The following NUDT5 variants were observed in gnomAD, a reference collection of about 807,000 sequenced individuals.
NUDT5 encodes the protein nudix hydrolase 5.
Under a neutral mutation model 34.1 loss-of-function variants are expected in NUDT5, and 21 were observed. That is an observed-to-expected ratio of 0.62 (90% CI 0.44 to 0.89). The LOEUF (loss-of-function observed/expected upper bound fraction) is 0.89. Among genes scored for constraint, NUDT5 ranks in the 40% least tolerant of loss-of-function variants. The pLI is 0.00. For missense variants in NUDT5, 249 were observed against 274.8 expected (o/e 0.91, Z 0.66); for synonymous variants, 85 against 97.6 (o/e 0.87, Z 0.76).
intron 4 of NUDT5, 123 bp from the exon 5 acceptor site, chr10:12,178,023 G>A: frequency 3.3e-6 from 2 of 598,848 alleles, no homozygotes; most frequent in Non-Finnish European, 5.9e-6. Flanking sequence ...CTACAATACT[G>A]GCAGTTAATA....
At chr10:12,178,935 A>C in intron 4 of NUDT5, 148 bp downstream of exon 4, 1 of 676,426 alleles carries the variant, frequency 1.5e-6, no homozygotes, top group South Asian at 1.8e-5. Flanking sequence ...AAGAAAGCTT[A>C]ATTTCGTTAC....
intron 9 of NUDT5, 89 bp from the exon 10 acceptor site, chr10:12,167,900 C>G: frequency 6.4e-7 from 1 of 1,559,054 alleles, no homozygotes; most frequent in African/African-American, 1.4e-5. Flanking sequence ...GCAGGTACTA[C>G]TATATGTCAC....
chr10:12,166,399 G>T lies in NUDT5; in HGVS notation c.*1303C>A, dbSNP rs1696880127. 1 of 159,724 alleles carries T rather than the reference G, an allele frequency of 6.3e-6. No homozygotes were observed. The highest frequency in any genetic ancestry group is 6.2e-5 in the Admixed American group (1 of 16,164). The allele number at this position is 159,724 out of a possible 1,614,324, so 9.9% of individuals were successfully genotyped here. A position where few individuals can be genotyped will look rare whatever the true frequency, so the allele number is the denominator to read the frequency against. ...AGGCTACCATTACAGGAAGTAGTTG[G>T]ATCTTAATTTTCACATGTATAGGGC... On this transcript the variant is annotated 3_prime_UTR_variant, in exon 10 of 10. Coordinates refer to ENST00000491614, the MANE Select transcript of NUDT5 (RefSeq NM_014142.4).
chr10:12,180,764 G>T (rs1158214344), intron 3 of NUDT5, among the ~76,000 whole-genome samples: 14 of 152,194 alleles, frequency 9.2e-5, no homozygotes, highest in Non-Finnish European at 1.5e-5. Flanking sequence ...AAGCAGGAAT[G>T]AGTATGTTTT....
rs564131693 is a variant in NUDT5 at position 12,182,893 on chromosome 10, C to T, written c.131+1996G>A. On this transcript the variant is annotated intron_variant, in intron 3 of 9. Coordinates refer to ENST00000491614, the MANE Select transcript of NUDT5 (RefSeq NM_014142.4). The surrounding 1 kb of genome is among the most constrained non-coding windows in gnomAD (Gnocchi z 4.3). ...CTGGGATTACAGGCGCATGCCACCA[C>T]GCTGGGCTAATTTTTGTATTTTTAG... 1.1e-4 allele frequency among the ~76,000 whole-genome samples: 17 copies of T among 152,226 alleles called. No homozygotes were observed. Among genetic ancestry groups the T allele is most frequent in the East Asian group, 7.7e-4 (4 of 5,174 alleles).
intron 1 of NUDT5, among the ~76,000 whole-genome samples, chr10:12,193,754 T>C (rs1434543640): frequency 1.3e-5 from 2 of 152,218 alleles, no homozygotes; most frequent in African/African-American, 4.8e-5. Flanking sequence ...AAAAGGTATC[T>C]ATAAAAATTC....
chr10:12,183,294 G>C (rs1313674227), intron 3 of NUDT5, among the ~76,000 whole-genome samples: 2 of 152,204 alleles, frequency 1.3e-5, no homozygotes, highest in African/African-American at 4.8e-5. Flanking sequence ...CTTAAGTGAA[G>C]AGTTACAGTC....
intron 5 of NUDT5, among the ~76,000 whole-genome samples, chr10:12,177,417 G>A (rs1388580316): frequency 6.6e-6 from 1 of 151,888 alleles, no homozygotes; most frequent in African/African-American, 2.4e-5. Context: ...CACTCGGGAG[G>A]CTGAAGCAGG....
intron 4 of NUDT5, 133 bp from the exon 5 acceptor site, chr10:12,178,033 AT>A: frequency 1.7e-6 from 1 of 585,300 alleles, no homozygotes. Flanking sequence ...GGCAGTTAAT[AT>A]TGGAAGCTAT....
chr10:12,178,185 G>A (rs1438487048), intron 4 of NUDT5, among the ~76,000 whole-genome samples: 1 of 152,136 alleles, frequency 6.6e-6, no homozygotes, highest in Admixed American at 6.5e-5. Flanking sequence ...AGGATGTAAG[G>A]TTTCTGACTA....
rs186618494 is a variant in NUDT5, at chr10:12,185,251, A to G, written c.64-295T>C. ...GGGGGAAGGGGTGGGGCATGGAGGT[A>G]ACTGGAAGGGAGCACATGGGGTGAG... On this transcript the variant is annotated intron_variant, in intron 2 of 9. Transcript: ENST00000491614. 1.7e-3 allele frequency among the ~76,000 whole-genome samples: 256 copies of G among 152,336 alleles called. 2 individuals carry two copies. Among genetic ancestry groups the G allele is most frequent in the African/African-American group, 5.9e-3 (244 of 41,576 alleles).
chr10:12,174,594 CA>C (rs1457833291), intron 5 of NUDT5, among the ~76,000 whole-genome samples: 1 of 152,096 alleles, frequency 6.6e-6, no homozygotes, highest in Non-Finnish European at 1.5e-5. Flanking sequence ...TTTATAGAAA[CA>C]AAAAGGCGAA....
intron 2 of NUDT5, 21 bp downstream of exon 2, chr10:12,186,208 A>G (rs1192782500): frequency 1.6e-5 from 25 of 1,576,086 alleles, no homozygotes; most frequent in Non-Finnish European, 2.1e-5. Flanking sequence ...GAGGGAAGGG[A>G]AAGTGAAAAA....
At position 12,171,387 on chromosome 10, in the gene NUDT5, C is replaced by G. The variant is rs986568165; in HGVS notation, c.488-479G>C. On this transcript the variant is annotated intron_variant, in intron 7 of 9. Coordinates refer to ENST00000491614, the MANE Select transcript of NUDT5 (RefSeq NM_014142.4). This position sits in a 1 kb window ranked among gnomAD's most constrained non-coding sequence, Gnocchi z 4.2. ...TTTGTCTATTCTGGGCACCCAGATA[C>G]GTAGAATCAGAGTATTTGCCCATCA... Among the ~76,000 whole-genome samples the G allele has an allele frequency of 2.6e-5, 4 of 152,172 alleles. No homozygotes were observed. Among genetic ancestry groups the G allele is most frequent in the African/African-American group, 9.7e-5 (4 of 41,450 alleles).
Position 12,174,888 on chromosome 10 carries a change from G to A in NUDT5, c.290-1075C>T, listed in dbSNP as rs551254707. On this transcript the variant is annotated intron_variant, in intron 5 of 9. Transcript: ENST00000491614. Reference sequence around the variant, plus strand: ...TTCCTCCCTCATAGTAAAACACCGAGGCCTGGGAATGAAAGGCCAGAAAGG... The same window carrying A: ...TTCCTCCCTCATAGTAAAACACCGAAGCCTGGGAATGAAAGGCCAGAAAGG... 1.1e-4 allele frequency among the ~76,000 whole-genome samples: 16 copies of A among 150,870 alleles called. No homozygotes were observed. In the South Asian group the frequency reaches 1.7e-3, roughly 16 times the overall value.
intron 5 of NUDT5, among the ~76,000 whole-genome samples, chr10:12,176,823 G>A (rs1834957127): frequency 6.6e-6 from 1 of 152,004 alleles, no homozygotes; most frequent in African/African-American, 2.4e-5. Context: ...ATTTCTTGGA[G>A]TTAAGAGCCT....
In NUDT5 at chr10:12,166,539, C is replaced by G. The variant is rs771635689; in HGVS notation, c.*1163G>C. Reference sequence around the variant, plus strand: ...AAATATCCTGGGCTCAGACAGTGAGCCTGTGGACAAACGGAGGCTACTGCA... The same window carrying G: ...AAATATCCTGGGCTCAGACAGTGAGGCTGTGGACAAACGGAGGCTACTGCA... On this transcript the variant is annotated 3_prime_UTR_variant, in exon 10 of 10. Coordinates refer to ENST00000491614, the MANE Select transcript of NUDT5 (RefSeq NM_014142.4). 1 of 318,834 alleles carries G rather than the reference C, an allele frequency of 3.1e-6. No homozygotes were observed. The highest frequency in any genetic ancestry group is 6.4e-6 in the Non-Finnish European group (1 of 157,272). 19.8% of individuals were successfully genotyped at this position (318,834 alleles called of 1,614,324 possible).
At position 12,168,713 on chromosome 10, in the gene NUDT5, G is replaced by A. The variant is rs766644702; in HGVS notation, c.551-902C>T. Among the ~76,000 whole-genome samples, 46 of 152,270 alleles carry A rather than the reference G, an allele frequency of 3.0e-4. No homozygotes were observed. Among genetic ancestry groups the A allele is most frequent in the Middle Eastern group, 3.4e-3 (1 of 294 alleles). ...TCCTACTCACCTGGGCACAGCAGGT[G>A]CTTGGTAACTGGCAGATGCTACTCT... On this transcript the variant is annotated intron_variant, in intron 9 of 9. Coordinates refer to ENST00000491614, the MANE Select transcript of NUDT5 (RefSeq NM_014142.4). This position sits in a 1 kb window ranked among gnomAD's most constrained non-coding sequence, Gnocchi z 4.8.
Position 12,170,802 on chromosome 10 carries a change from C to G in NUDT5, c.497-32G>C. On this transcript the variant is annotated intron_variant, in intron 8 of 9. Transcript: ENST00000491614. The surrounding 1 kb of genome is among the most constrained non-coding windows in gnomAD (Gnocchi z 4.9). ...AGACAAAGTGCAAGTGAAAACAAAG[C>G]TAACGTCAAGAGCCTACCAAAACAA... 3.7e-6 allele frequency: 6 copies of G among 1,613,828 alleles called. No homozygotes were observed. Among genetic ancestry groups the G allele is most frequent in the Non-Finnish European group, 5.1e-6 (6 of 1,179,746 alleles).
Sources: allele counts gnomAD v4.1 joint callset (sites outside exome capture counted in the v4.1 genomes callset), GRCh38; gene constraint gnomAD v4.1.1; non-coding constraint Gnocchi (gnomAD v3.1); transcripts MANE v1.5; gene names NCBI Gene and HGNC (gene_info 2026-07-23, HGNC 2026-07-21).